Variants in THSD7A observed in about 807,000 individuals in gnomAD.
THSD7A encodes thrombospondin type-1 domain-containing protein 7A.
A neutral mutation model predicts 231.3 loss-of-function variants in THSD7A; 96 were observed. The ratio of observed to expected loss-of-function variants is 0.41; its 90% confidence interval spans 0.35 to 0.49. The LOEUF is 0.49. Ranked by LOEUF, THSD7A falls within the 20% of genes least tolerant of loss-of-function variation. THSD7A has a pLI of 0.05. For synonymous variants in THSD7A, 940 were observed against 743.3 expected, an observed-to-expected ratio of 1.26 and a Z score of -4.30; for missense variants, 2,290 against 2,070.2, an observed-to-expected ratio of 1.11 and a Z score of -2.06.
Position 11,801,382 on chromosome 7 carries a change from C to T in THSD7A, c.190+30375G>A, listed in dbSNP as rs116721437. Among the ~76,000 whole-genome samples the T allele has an allele frequency of 8.1e-3, 1,237 of 152,154 alleles. 10 individuals are homozygous for T. The highest frequency in any genetic ancestry group is 0.028 in the African/African-American group (1,172 of 41,500). ...TCTAAGGACCAAAGTAAGTCTTTTA[C>T]ATACATTACTTAATCTAATGCTGAC... On this transcript the variant is annotated intron_variant, in intron 1 of 27. Coordinates refer to ENST00000423059, the MANE Select transcript of THSD7A (RefSeq NM_015204.3).
At chr7:11,735,407 T>C (rs1352414133) in intron 1 of THSD7A, among the ~76,000 whole-genome samples, 1 of 151,946 alleles carries the variant, frequency 6.6e-6, no homozygotes, top group African/African-American at 2.4e-5. Flanking sequence ...GAAAATTCCA[T>C]ACATAAGCAC....
At chr7:11,405,071 CT>C (rs758932193) in intron 22 of THSD7A, among the ~76,000 whole-genome samples, 3 of 151,826 alleles carry the variant, frequency 2.0e-5, no homozygotes, top group Non-Finnish European at 2.9e-5. Context: ...AAAATAACCC[CT>C]ATCAGGGTTA....
chr7:11,408,644 C>CTAA (rs1411118336), intron 19 of THSD7A, among the ~76,000 whole-genome samples: 2 of 151,940 alleles, frequency 1.3e-5, no homozygotes, highest in Non-Finnish European at 2.9e-5. Context: ...TTTATATTTT[C>CTAA]TAATTTATAC....
chr7:11,446,696 A>G lies in THSD7A; in HGVS notation c.2801-372T>C, dbSNP rs1784982592. 6.6e-6 allele frequency among the ~76,000 whole-genome samples: 1 copy of G among 152,114 alleles called. No homozygotes were observed. The highest frequency in any genetic ancestry group is 2.4e-5 in the African/African-American group (1 of 41,430). ...AATTCTGAGTACTCTACTAGCACCAATATTTTTAGGTTGCTTTTGCCATTG... is the reference window on the plus strand; with the variant it reads ...AATTCTGAGTACTCTACTAGCACCAGTATTTTTAGGTTGCTTTTGCCATTG... On this transcript the variant is annotated intron_variant, in intron 12 of 27. Coordinates refer to ENST00000423059, the MANE Select transcript of THSD7A (RefSeq NM_015204.3). This position sits in a 1 kb window ranked among gnomAD's most constrained non-coding sequence, Gnocchi z 4.0.
intron 2 of THSD7A, among the ~76,000 whole-genome samples, chr7:11,599,331 G>A (rs890695823): frequency 6.6e-6 from 1 of 152,314 alleles, no homozygotes; most frequent in East Asian, 1.9e-4. Context: ...GCTTGCTGAA[G>A]GCAAAGGGAA....
chr7:11,645,986 G>C (rs1250986787), intron 1 of THSD7A, among the ~76,000 whole-genome samples: 1 of 151,860 alleles, frequency 6.6e-6, no homozygotes, highest in Non-Finnish European at 1.5e-5. Flanking sequence ...ATAATGAAAA[G>C]TTCCCAATTT....
At chr7:11,700,800 C>T (rs1780570341) in intron 1 of THSD7A, among the ~76,000 whole-genome samples, 1 of 151,090 alleles carries the variant, frequency 6.6e-6, no homozygotes, top group South Asian at 2.1e-4. Context: ...TTCATGACCG[C>T]TCCACAGCCC....
chr7:11,726,715 C>A (rs1781560455), intron 1 of THSD7A, among the ~76,000 whole-genome samples: 1 of 152,010 alleles, frequency 6.6e-6, no homozygotes, highest in Non-Finnish European at 1.5e-5. Flanking sequence ...GTTTTATCTG[C>A]AAATACCATG....
rs1783600651 is a variant in THSD7A, at chr7:11,780,856, T to C, written c.190+50901A>G. ...AATACAAAAAATTAGCCGGGCGCGG[T>C]GGCGGGCGCCTGTAGTCCCAGCTAC... On this transcript the variant is annotated intron_variant, in intron 1 of 27. Transcript: ENST00000423059. Among the ~76,000 whole-genome samples the C allele has an allele frequency of 4.0e-5, 6 of 151,034 alleles. No homozygotes were observed. In the South Asian group the frequency reaches 1.3e-3, roughly 32 times the overall value.
chr7:11,470,468 G>A (rs756849703), intron 8 of THSD7A, among the ~76,000 whole-genome samples: 2 of 151,676 alleles, frequency 1.3e-5, no homozygotes, highest in Non-Finnish European at 2.9e-5. Context: ...TAAATTTATA[G>A]TGGAGTATGT....
At position 11,533,513 on chromosome 7, in the gene THSD7A, T is replaced by C. The variant is rs1023005402; in HGVS notation, c.1822+7906A>G. ...AACCCAAATGTCCATCAAAGATAGATTGGATAAAGAAAATGTGGGACACAT... is the reference window on the plus strand; with the variant it reads ...AACCCAAATGTCCATCAAAGATAGACTGGATAAAGAAAATGTGGGACACAT... On this transcript the variant is annotated intron_variant, in intron 6 of 27. Transcript: ENST00000423059. 8.5e-5 allele frequency among the ~76,000 whole-genome samples: 13 copies of C among 152,064 alleles called. No individual in the cohort carries two copies. In the East Asian group the frequency reaches 9.6e-4, roughly 11 times the overall value.
At chr7:11,621,009 T>C (rs1357439191) in intron 2 of THSD7A, among the ~76,000 whole-genome samples, 3 of 152,144 alleles carry the variant, frequency 2.0e-5, no homozygotes, top group Non-Finnish European at 4.4e-5. Context: ...GGAGGTAAAA[T>C]GAAACTTTGC....
At chr7:11,608,949 C>T (rs1160840336) in intron 2 of THSD7A, among the ~76,000 whole-genome samples, 2 of 152,134 alleles carry the variant, frequency 1.3e-5, no homozygotes, top group Non-Finnish European at 2.9e-5. Flanking sequence ...TTACAAATCC[C>T]TATACAGAAC....
chr7:11,575,778 T>A (rs1034173430), intron 4 of THSD7A, among the ~76,000 whole-genome samples: 2 of 152,250 alleles, frequency 1.3e-5, no homozygotes, highest in Admixed American at 1.3e-4. Context: ...TATTACCCTT[T>A]ACTGAATTAC....
At chr7:11,645,691 C>G (rs572444531) in intron 1 of THSD7A, among the ~76,000 whole-genome samples, 12 of 151,782 alleles carry the variant, frequency 7.9e-5, no homozygotes, top group African/African-American at 2.9e-4. Context: ...GATTACATTG[C>G]TATATTGTAT....
intron 1 of THSD7A, among the ~76,000 whole-genome samples, chr7:11,653,855 G>A (rs988038162): frequency 6.6e-6 from 1 of 151,930 alleles, no homozygotes; most frequent in Admixed American, 6.6e-5. Context: ...CTTACTGTTT[G>A]CTTCTCATAA....
At chr7:11,769,147 A>ATTTTTTTTTTTTTTTT (rs1562541356) in intron 1 of THSD7A, among the ~76,000 whole-genome samples, 2 of 35,654 alleles carry the variant, frequency 5.6e-5, no homozygotes, top group Non-Finnish European at 1.2e-4. Context: ...ATATATATAT[A>ATTTTTTTTTTTTTTTT]TATATATTTT....
At chr7:11,772,685 G>A (rs576439063) in intron 1 of THSD7A, among the ~76,000 whole-genome samples, 2 of 152,138 alleles carry the variant, frequency 1.3e-5, no homozygotes, top group African/African-American at 2.4e-5. Flanking sequence ...ACACAAACAT[G>A]GGAATAATAG....
At chr7:11,488,650 G>A (rs1786761324) in intron 6 of THSD7A, among the ~76,000 whole-genome samples, 1 of 151,934 alleles carries the variant, frequency 6.6e-6, no homozygotes, top group African/African-American at 2.4e-5. Flanking sequence ...ACTTTCCCCT[G>A]GGATTCTGTT....
Sources: gnomAD v4.1 joint callset for allele counts (sites outside exome capture counted in the v4.1 genomes callset) on GRCh38, gnomAD v4.1.1 for gene constraint, Gnocchi (gnomAD v3.1) non-coding constraint, MANE v1.5 for transcripts, NCBI Gene and HGNC (gene_info 2026-07-23, HGNC 2026-07-21) for gene names.